The following PKNOX2 variants were observed in gnomAD, a reference collection of about 807,000 sequenced individuals.
The protein encoded by PKNOX2 is homeobox protein PKNOX2.
PKNOX2 carries 14 observed loss-of-function variants against 53.1 expected under a neutral mutation model. That is an observed-to-expected ratio of 0.26 (90% CI 0.17 to 0.41). PKNOX2 has a LOEUF of 0.41. PKNOX2 is among the 10% of genes least tolerant of loss of function. The pLI, the probability that PKNOX2 is intolerant of heterozygous loss-of-function variation, is 1.00. For missense variants in PKNOX2, 496 were observed against 602.8 expected, an observed-to-expected ratio of 0.82 and a Z score of 1.85; for synonymous variants, 257 against 242.8, an observed-to-expected ratio of 1.06 and a Z score of -0.54.
At chr11:125,203,793 G>A (rs1938733677) in intron 1 of PKNOX2, among the ~76,000 whole-genome samples, 1 of 152,154 alleles carries the variant, frequency 6.6e-6, no homozygotes, top group South Asian at 2.1e-4. Context: ...TCACTGCATG[G>A]CACCTGGAGA....
chr11:125,346,375 G>A (rs1045210364), intron 3 of PKNOX2, among the ~76,000 whole-genome samples: 3 of 152,212 alleles, frequency 2.0e-5, no homozygotes, highest in Non-Finnish European at 2.9e-5. Context: ...TGTGTGCAGT[G>A]CAAATCCTGG....
chr11:125,182,423 A>G (rs1956206026), intron 1 of PKNOX2, among the ~76,000 whole-genome samples: 1 of 152,190 alleles, frequency 6.6e-6, no homozygotes, highest in Non-Finnish European at 1.5e-5. Flanking sequence ...CTTTTGACAG[A>G]CCAGGGTTCA....
intron 2 of PKNOX2, among the ~76,000 whole-genome samples, chr11:125,292,810 C>T (rs1292591585): frequency 6.6e-6 from 1 of 152,160 alleles, no homozygotes; most frequent in Non-Finnish European, 1.5e-5. Context: ...AGTGCTTGCC[C>T]TAAAAGAGAG....
At chr11:125,341,471 T>C (rs540264233) in intron 3 of PKNOX2, among the ~76,000 whole-genome samples, 137 of 152,312 alleles carry the variant, frequency 9.0e-4, no homozygotes, top group Non-Finnish European at 1.2e-3. Flanking sequence ...TCATATTGTA[T>C]AGGCTGCCCC....
intron 10 of PKNOX2, among the ~76,000 whole-genome samples, chr11:125,417,509 A>G (rs1955950346): frequency 6.6e-6 from 1 of 152,026 alleles, no homozygotes; most frequent in Admixed American, 6.5e-5. Flanking sequence ...GCCTCATTTT[A>G]CCAGTGACAA....
At chr11:125,416,757 CTT>C (rs1435656985) in intron 10 of PKNOX2, among the ~76,000 whole-genome samples, 16 of 152,056 alleles carry the variant, frequency 1.1e-4, no homozygotes, top group Non-Finnish European at 2.1e-4. Flanking sequence ...AATCCACAAA[CTT>C]TGCTAAATAG....
intron 1 of PKNOX2, among the ~76,000 whole-genome samples, chr11:125,222,850 A>C (rs984353518): frequency 6.6e-6 from 1 of 151,906 alleles, no homozygotes; most frequent in Non-Finnish European, 1.5e-5. Flanking sequence ...CTCTGCTTTC[A>C]TCTTGCTTTC....
At chr11:125,261,557 C>T (rs778561669) in intron 2 of PKNOX2, among the ~76,000 whole-genome samples, 3 of 152,190 alleles carry the variant, frequency 2.0e-5, no homozygotes, top group Non-Finnish European at 2.9e-5. Context: ...GCTCCCTCCC[C>T]ACCACCACAC....
intron 8 of PKNOX2, 40 bp from the exon 9 acceptor site, chr11:125,410,739 C>T (rs989481515): frequency 5.3e-6 from 8 of 1,511,692 alleles, no homozygotes; most frequent in Admixed American, 3.3e-5. Context: ...CTCCTACCCA[C>T]TCCCATGGCA....
chr11:125,382,682 T>C (rs948457475), intron 5 of PKNOX2, among the ~76,000 whole-genome samples: 6 of 152,206 alleles, frequency 3.9e-5, no homozygotes, highest in Admixed American at 3.9e-4. Flanking sequence ...CTTTCTTTGG[T>C]ATTCCACTCA....
Position 125,430,090 on chromosome 11 carries a change from G to T in PKNOX2, c.1141G>T (p.Ala381Ser). The T allele has an allele frequency of 1.9e-6, 3 of 1,614,144 alleles. No individual in the cohort carries two copies. Among genetic ancestry groups the T allele is most frequent in the Non-Finnish European group, 2.5e-6 (3 of 1,180,004 alleles). ...PTQRFWPNSI[A>S]AGVLQQQGGA... ...CCAAAGATTCTGGCCCAACTCCATC[G>T]CTGCGGGGGTGCTGCAGCAGCAGGG... Residue 381 changes from alanine (A) to serine (S), a missense_variant, in exon 12 of 13, where the codon GCT becomes TCT. Ala to Ser is a moderately conservative substitution (Grantham distance 99, BLOSUM62 1). Around this residue, in one of 5 missense-constraint regions of PKNOX2, gnomAD observed 139 missense variants for 161.3 expected, o/e 0.86. Coordinates refer to ENST00000298282, the MANE Select transcript of PKNOX2 (RefSeq NM_001382323.2).
intron 2 of PKNOX2, among the ~76,000 whole-genome samples, chr11:125,235,890 C>T (rs1057105989): frequency 1.3e-5 from 2 of 152,198 alleles, no homozygotes; most frequent in Non-Finnish European, 2.9e-5. Flanking sequence ...ACTTCTCAGT[C>T]TGCCCACTGC....
chr11:125,214,008 A>G (rs1404155510), intron 1 of PKNOX2, among the ~76,000 whole-genome samples: 1 of 151,980 alleles, frequency 6.6e-6, no homozygotes, highest in Non-Finnish European at 1.5e-5. Flanking sequence ...CGGCTATCTC[A>G]CTTCCTCACA....
At chr11:125,177,305 C>T (rs773573356) in intron 1 of PKNOX2, among the ~76,000 whole-genome samples, 4 of 145,936 alleles carry the variant, frequency 2.7e-5, no homozygotes, top group African/African-American at 7.7e-5. Flanking sequence ...GGAGAGGCAG[C>T]GGGGGAGGTT....
At chr11:125,314,687 C>T (rs938383979) in intron 2 of PKNOX2, among the ~76,000 whole-genome samples, 8 of 152,110 alleles carry the variant, frequency 5.3e-5, no homozygotes, top group African/African-American at 1.9e-4. Flanking sequence ...AGAGTAGGGG[C>T]CATCCCAGAA....
chr11:125,410,179 G>A lies in PKNOX2; in HGVS notation c.589-17G>A, dbSNP rs753110156. 9.9e-6 allele frequency: 16 copies of A among 1,612,816 alleles called. No individual in the cohort carries two copies. The highest frequency in any genetic ancestry group is 5.3e-5 in the African/African-American group (4 of 74,800). On this transcript the variant is annotated splice_polypyrimidine_tract_variant and intron_variant, in intron 7 of 12. Transcript: ENST00000298282. ...TCTCAGTGTCATTGTCACAAACCACGCCTCCCTCACTGCCAGGACCTCCTG... is the reference window on the plus strand; with the variant it reads ...TCTCAGTGTCATTGTCACAAACCACACCTCCCTCACTGCCAGGACCTCCTG...
rs562771231 is a variant in PKNOX2, at chr11:125,200,511, T to C, written c.-200-34534T>C. 3.3e-5 allele frequency among the ~76,000 whole-genome samples: 5 copies of C among 152,334 alleles called. No individual in the cohort carries two copies. In the South Asian group the frequency reaches 1.0e-3, roughly 32 times the overall value. ...TAAGGTGTGACTCTTGGCCCAACCA[T>C]GGCTCTCCATGCACCATGCCGCCCC... On this transcript the variant is annotated intron_variant, in intron 1 of 12. Transcript: ENST00000298282.
At chr11:125,406,240 A>G (rs1441648154) in intron 7 of PKNOX2, among the ~76,000 whole-genome samples, 3 of 152,034 alleles carry the variant, frequency 2.0e-5, no homozygotes, top group African/African-American at 7.3e-5. Context: ...AGAGAGTCAG[A>G]CCCTCCTTGT....
At chr11:125,367,709 C>A in intron 4 of PKNOX2, 137 bp from the exon 5 acceptor site, 1 of 867,448 alleles carries the variant, frequency 1.2e-6, no homozygotes, top group South Asian at 2.3e-5. Flanking sequence ...AATGGATGCT[C>A]ATTGTGTGCT....
Sources: gnomAD v4.1 joint callset for allele counts (sites outside exome capture counted in the v4.1 genomes callset) on GRCh38, gnomAD v4.1.1 for gene constraint, gnomAD v4.1.1 regional missense constraint, MANE v1.5 for transcripts, NCBI Gene and HGNC (gene_info 2026-07-23, HGNC 2026-07-21) for gene names.